The following ACAP2 variants were observed in gnomAD, a reference collection of about 807,000 sequenced individuals.
ACAP2 encodes ArfGAP with coiled-coil, ankyrin repeat and PH domains 2.
ACAP2 carries 39 observed loss-of-function variants against 115.8 expected under a neutral mutation model. That is an observed-to-expected ratio of 0.34 (90% confidence interval 0.26 to 0.44). The LOEUF (loss-of-function observed/expected upper bound fraction) is 0.44, where lower values mean the gene tolerates loss of function less well. Ranked by LOEUF, ACAP2 falls within the 20% of genes least tolerant of loss-of-function variation. ACAP2 has a pLI of 1.00. For synonymous variants in ACAP2, 289 were observed against 315.8 expected, an observed-to-expected ratio of 0.92 and a Z score of 0.90; for missense variants, 662 against 927.6, an observed-to-expected ratio of 0.71 and a Z score of 3.72.
rs184397282 is a variant in ACAP2 at position 195,380,747 on chromosome 3, T to G, written c.285+262A>C. Among the ~76,000 whole-genome samples the G allele has an allele frequency of 4.7e-4, 71 of 152,322 alleles. 1 individual carries two copies. Among genetic ancestry groups the G allele is most frequent in the Admixed American group, 3.9e-3 (60 of 15,292 alleles). ...AAAGGGAAAAAATTTAACTTTTGGGTATATGTCCTTCAATGATATTAAGTT... is the reference window on the plus strand; with the variant it reads ...AAAGGGAAAAAATTTAACTTTTGGGGATATGTCCTTCAATGATATTAAGTT... On this transcript the variant is annotated intron_variant, in intron 4 of 22. Coordinates refer to ENST00000326793, the MANE Select transcript of ACAP2 (RefSeq NM_012287.6).
chr3:195,288,727 T>A (rs528460070), intron 21 of ACAP2, among the ~76,000 whole-genome samples: 2 of 152,000 alleles, frequency 1.3e-5, no homozygotes, highest in Non-Finnish European at 2.9e-5. Flanking sequence ...TTGTGGTGGA[T>A]CACGCCTGTA....
chr3:195,295,239 AT>A, intron 17 of ACAP2: 1 of 1,291,326 alleles, frequency 7.7e-7, no homozygotes, highest in African/African-American at 1.5e-5. Context: ...AGAAGAGTGA[AT>A]CTAGCTCATC....
intron 7 of ACAP2, 34 bp from the exon 8 acceptor site, chr3:195,333,157 C>A (rs201695900): frequency 1.7e-6 from 2 of 1,183,634 alleles, no homozygotes; most frequent in Non-Finnish European, 1.2e-6. Context: ...ATTTTAAAAT[C>A]TATTCCTAGA....
At chr3:195,369,337 G>A (rs1470521072) in intron 4 of ACAP2, among the ~76,000 whole-genome samples, 1 of 152,026 alleles carries the variant, frequency 6.6e-6, no homozygotes, top group Non-Finnish European at 1.5e-5. Context: ...TTATCATGGG[G>A]GTTTGATGTA....
intron 10 of ACAP2, among the ~76,000 whole-genome samples, chr3:195,316,001 T>C (rs766981744): frequency 2.0e-5 from 3 of 152,240 alleles, no homozygotes; most frequent in African/African-American, 4.8e-5. Flanking sequence ...TCTCTCATTG[T>C]AGTAGTCCAT....
At chr3:195,379,545 G>A (rs768052716) in intron 4 of ACAP2, among the ~76,000 whole-genome samples, 15 of 152,276 alleles carry the variant, frequency 9.9e-5, no homozygotes, top group Admixed American at 2.6e-4. Flanking sequence ...TGTAATCCCA[G>A]TGCTTTGGAG....
chr3:195,299,834 T>A (rs966717285), intron 15 of ACAP2, among the ~76,000 whole-genome samples: 1 of 151,802 alleles, frequency 6.6e-6, no homozygotes, highest in African/African-American at 2.4e-5. Flanking sequence ...CGAGACTCCC[T>A]CTCAAAAAAA....
At chr3:195,304,189 A>AAAAAAAAAAAAAC in intron 13 of ACAP2, among the ~76,000 whole-genome samples, 7 of 150,366 alleles carry the variant, frequency 4.7e-5, no homozygotes, top group Non-Finnish European at 8.9e-5. Flanking sequence ...AAAAAAAAAA[A>AAAAAAAAAAAAAC]AAAAAACTTC....
At chr3:195,295,383 T>C (rs1184677082) in intron 17 of ACAP2, 3 of 791,042 alleles carry the variant, frequency 3.8e-6, no homozygotes, top group East Asian at 5.8e-5. Flanking sequence ...GGAAAAAATT[T>C]AGGAGGAAAA....
intron 1 of ACAP2, among the ~76,000 whole-genome samples, chr3:195,412,506 G>C (rs185007047): frequency 4.2e-4 from 64 of 152,204 alleles, no homozygotes; most frequent in African/African-American, 1.5e-3. Context: ...CAGCTACTCA[G>C]GAGGCTGAGG....
chr3:195,319,310 A>AC (rs1729294529), intron 10 of ACAP2, among the ~76,000 whole-genome samples: 1 of 152,236 alleles, frequency 6.6e-6, no homozygotes, highest in African/African-American at 2.4e-5. Flanking sequence ...TCTCCCACAT[A>AC]TAGTCCCCAC....
chr3:195,424,242 GTGGTGTGT>G (rs1471927110), intron 1 of ACAP2, among the ~76,000 whole-genome samples: 292 of 102,694 alleles, frequency 2.8e-3, no homozygotes, highest in Non-Finnish European at 3.7e-3. Context: ...GTGTGTGTGT[GTGGTGTGT>G]GTGTGTGTGT....
chr3:195,413,038 T>C (rs2108814821), intron 1 of ACAP2: 2 of 270,178 alleles, frequency 7.4e-6, no homozygotes, highest in South Asian at 7.3e-5. Context: ...CCATTTTAAA[T>C]ATTTAAGAAA....
At chr3:195,343,467 T>C (rs1230614997) in intron 5 of ACAP2, among the ~76,000 whole-genome samples, 1 of 152,164 alleles carries the variant, frequency 6.6e-6, no homozygotes, top group Non-Finnish European at 1.5e-5. Context: ...AGAAACAACA[T>C]TGATTTCTCA....
At chr3:195,377,533 GGTAA>G (rs1005986777) in intron 4 of ACAP2, among the ~76,000 whole-genome samples, 11 of 152,114 alleles carry the variant, frequency 7.2e-5, no homozygotes, top group African/African-American at 2.7e-4. Flanking sequence ...CAGTAAACAA[GGTAA>G]GTGTTATCCC....
intron 19 of ACAP2, 143 bp from the exon 20 acceptor site, chr3:195,291,958 A>G (rs1727286252): frequency 1.5e-6 from 1 of 676,298 alleles, no homozygotes; most frequent in Non-Finnish European, 2.3e-6. Flanking sequence ...TCCCTCAGCC[A>G]AGGCAGAGAA....
At chr3:195,299,918 C>T (rs990581126) in intron 15 of ACAP2, among the ~76,000 whole-genome samples, 3 of 151,816 alleles carry the variant, frequency 2.0e-5, no homozygotes, top group African/African-American at 7.3e-5. Context: ...TCACAATATA[C>T]TACGATTAAA....
At chr3:195,295,566 A>C (rs762122725) in intron 17 of ACAP2, 142 bp downstream of exon 17, 44 of 875,780 alleles carry the variant, frequency 5.0e-5, no homozygotes, top group Non-Finnish European at 7.5e-5. Context: ...AAAGACACAG[A>C]AATTCAGTTT....
chr3:195,349,258 G>A (rs1447917575), intron 4 of ACAP2, among the ~76,000 whole-genome samples: 1 of 152,056 alleles, frequency 6.6e-6, no homozygotes, highest in Non-Finnish European at 1.5e-5. Context: ...AAAGCGGGCA[G>A]ATCACCTGAG....
Sources: allele counts gnomAD v4.1 joint callset (sites outside exome capture counted in the v4.1 genomes callset), GRCh38; gene constraint gnomAD v4.1.1; transcripts MANE v1.5; gene names NCBI Gene and HGNC (gene_info 2026-07-23, HGNC 2026-07-21).